MLLT1: variants seen among roughly 807,000 people sequenced by gnomAD.
MLLT1 encodes the protein protein ENL.
A neutral mutation model predicts 55.1 loss-of-function variants in MLLT1; 11 were observed. The observed-to-expected ratio is 0.20, with a 90% CI of 0.13 to 0.33. The LOEUF (loss-of-function observed/expected upper bound fraction) is 0.33, where lower values mean the gene tolerates loss of function less well. Among genes scored for constraint, MLLT1 ranks in the 10% least tolerant of loss-of-function variants. The probability of loss-of-function intolerance (pLI) is 1.00; values close to 1 mark genes in which losing one functional copy is unlikely to be tolerated. For synonymous variants in MLLT1, 323 were observed against 320.1 expected, an observed-to-expected ratio of 1.01 and a Z score of -0.10; for missense variants, 536 against 760.6, an observed-to-expected ratio of 0.70 and a Z score of 3.47.
chr19:6,266,903 T>C (rs2091353200), intron 2 of MLLT1, among the ~76,000 whole-genome samples: 1 of 152,050 alleles, frequency 6.6e-6, no homozygotes, highest in African/African-American at 2.4e-5. Context: ...GGTGGCTGGA[T>C]AAGAGTCCGT....
intron 1 of MLLT1, among the ~76,000 whole-genome samples, chr19:6,276,286 C>G (rs926061416): frequency 6.6e-6 from 1 of 152,136 alleles, no homozygotes; most frequent in Non-Finnish European, 1.5e-5. Flanking sequence ...CGGAGCTTTT[C>G]GGGCAGGTTT....
intron 3 of MLLT1, among the ~76,000 whole-genome samples, chr19:6,261,418 C>T (rs1409998318): frequency 2.6e-5 from 4 of 152,288 alleles, no homozygotes; most frequent in Non-Finnish European, 5.9e-5. Flanking sequence ...AGCCCGGCAC[C>T]GCCAGGTACA....
intron 6 of MLLT1, among the ~76,000 whole-genome samples, chr19:6,220,905 C>T (rs1391395379): frequency 1.3e-5 from 2 of 152,236 alleles, no homozygotes; most frequent in Non-Finnish European, 2.9e-5. Flanking sequence ...GGCCCCCCCA[C>T]CGCCTCAGGG....
Position 6,226,986 on chromosome 19 carries a change from G to A in MLLT1, c.537C>T (p.His179=), listed in dbSNP as rs899806809. Residue 179 remains histidine (H), a synonymous_variant, in exon 5 of 12, where the codon CAC becomes CAT. Coordinates refer to ENST00000252674, the MANE Select transcript of MLLT1 (RefSeq NM_005934.4). The surrounding 1 kb of genome is among the most constrained non-coding windows in gnomAD (Gnocchi z 6.3). ...CTTCCGCCTCACTAACCTTGGAGCC[G>A]TGGGATGGTTTGGTCTTCTTGGGGT... is the stretch of plus-strand genomic sequence containing the variant. ...FSDPKKTKPS[H]GSKDANKESS... is the part of the protein sequence containing the mutation. 1.6e-5 allele frequency: 26 copies of A among 1,599,906 alleles called. No individual in the cohort carries two copies. The highest frequency in any genetic ancestry group is 2.1e-5 in the Non-Finnish European group (25 of 1,174,338).
chr19:6,213,264 AG>A, intron 11 of MLLT1, 72 bp downstream of exon 11: 1 of 1,606,610 alleles, frequency 6.2e-7, no homozygotes. Context: ...GGGCAGCACC[AG>A]GGGCCCCCGC....
At position 6,256,730 on chromosome 19, in the gene MLLT1, G is replaced by A. The variant is rs2091260098; in HGVS notation, c.276+5498C>T. ...GATGGCGCCACTGCACTCTAGCCTG[G>A]GCGACAGAGCCAGACTCCGTCTCAA... On this transcript the variant is annotated intron_variant, in intron 3 of 11. Transcript: ENST00000252674. This position sits in a 1 kb window ranked among gnomAD's most constrained non-coding sequence, Gnocchi z 4.1. Among the ~76,000 whole-genome samples the A allele has an allele frequency of 6.6e-6, 1 of 152,118 alleles. No individual in the cohort carries two copies. The highest frequency in any genetic ancestry group is 1.5e-5 in the Non-Finnish European group (1 of 68,026).
chr19:6,212,349 C>T lies in MLLT1; in HGVS notation c.*693G>A, dbSNP rs1402932037. Reference sequence around the variant, plus strand: ...GGAGAGGGCCAGCTGCCGTGCCTGGCTCGGCCTCCAGCCCCACACCACCGC... The same window carrying T: ...GGAGAGGGCCAGCTGCCGTGCCTGGTTCGGCCTCCAGCCCCACACCACCGC... On this transcript the variant is annotated 3_prime_UTR_variant, in exon 12 of 12. Transcript: ENST00000252674. 1 of 992,936 alleles carries T rather than the reference C, an allele frequency of 1.0e-6. No homozygotes were observed. Among genetic ancestry groups the T allele is most frequent in the African/African-American group, 2.6e-5 (1 of 37,764 alleles). The allele number at this position is 992,936 out of a possible 1,614,324, so 61.5% of individuals were successfully genotyped here.
At chr19:6,266,281 A>C (rs2091348802) in intron 2 of MLLT1, among the ~76,000 whole-genome samples, 1 of 151,336 alleles carries the variant, frequency 6.6e-6, no homozygotes, top group African/African-American at 2.4e-5. Flanking sequence ...GTCTCCAAAA[A>C]AAAAAAAAAA....
At position 6,256,875 on chromosome 19, in the gene MLLT1, C is replaced by T. The variant is rs956743544; in HGVS notation, c.276+5353G>A. On this transcript the variant is annotated intron_variant, in intron 3 of 11. Coordinates refer to ENST00000252674, the MANE Select transcript of MLLT1 (RefSeq NM_005934.4). This position sits in a 1 kb window ranked among gnomAD's most constrained non-coding sequence, Gnocchi z 4.1. Reference sequence around the variant, plus strand: ...ATAGAATTCAGAGTCCAGTTTTAAACCCCAAATCTATGGCCAGCTGATTTT... The same window carrying T: ...ATAGAATTCAGAGTCCAGTTTTAAATCCCAAATCTATGGCCAGCTGATTTT... 6.6e-6 allele frequency among the ~76,000 whole-genome samples: 1 copy of T among 152,220 alleles called. No individual in the cohort carries two copies. Among genetic ancestry groups the T allele is most frequent in the African/African-American group, 2.4e-5 (1 of 41,460 alleles).
At chr19:6,258,725 T>A (rs533909999) in intron 3 of MLLT1, among the ~76,000 whole-genome samples, 1 of 152,342 alleles carries the variant, frequency 6.6e-6, no homozygotes, top group South Asian at 2.1e-4. Flanking sequence ...TATACAAGAA[T>A]AGAGCTGTCG....
rs760941330 is a variant in MLLT1 at position 6,213,002 on chromosome 19, C to G, written c.*40G>C. On this transcript the variant is annotated 3_prime_UTR_variant, in exon 12 of 12. Coordinates refer to ENST00000252674, the MANE Select transcript of MLLT1 (RefSeq NM_005934.4). ...GCAGGCGAGGCCTGGCTGCAGCCTC[C>G]CAGGACCCCGGCGGTGGGGGCCCGG... is the stretch of plus-strand genomic sequence containing the variant. 1 of 1,607,758 alleles carries G rather than the reference C, an allele frequency of 6.2e-7. No individual in the cohort carries two copies. Among genetic ancestry groups the G allele is most frequent in the Admixed American group, 1.7e-5 (1 of 59,496 alleles).
At chr19:6,279,550 CGGGCCCGGCCCGG>C (rs1313894710) in intron 1 of MLLT1, among the ~76,000 whole-genome samples, 1 of 151,726 alleles carries the variant, frequency 6.6e-6, no homozygotes, top group Admixed American at 6.6e-5. Context: ...CAAGGGGCTC[CGGGCCCGGCCCGG>C]GTCCCGAAGG....
At chr19:6,257,891 G>C (rs2091272018) in intron 3 of MLLT1, among the ~76,000 whole-genome samples, 1 of 152,164 alleles carries the variant, frequency 6.6e-6, no homozygotes, top group Non-Finnish European at 1.5e-5. Context: ...GAAAAGACGT[G>C]AAACATCACG....
intron 5 of MLLT1, among the ~76,000 whole-genome samples, chr19:6,223,687 T>C (rs2090926676): frequency 6.6e-6 from 1 of 152,154 alleles, no homozygotes; most frequent in South Asian, 2.1e-4. Flanking sequence ...GCCTGGGCGC[T>C]GCTGCTTGTA....
chr19:6,278,812 A>G (rs1211772075), intron 1 of MLLT1, among the ~76,000 whole-genome samples: 2 of 152,176 alleles, frequency 1.3e-5, no homozygotes, highest in Non-Finnish European at 2.9e-5. Context: ...GAGGGTCTGA[A>G]GGTGAAAGAG....
rs549974394 is a variant in MLLT1 at position 6,229,869 on chromosome 19, C to T, written c.420+701G>A. 1.4e-4 allele frequency among the ~76,000 whole-genome samples: 21 copies of T among 152,124 alleles called. No homozygotes were observed. The South Asian group carries it at 3.7e-3, about 27-fold the overall frequency. ...CACATGACACACCACACACCGCACA[C>T]GACACACAACACGCCACCCCAGCCC... On this transcript the variant is annotated intron_variant, in intron 4 of 11. Coordinates refer to ENST00000252674, the MANE Select transcript of MLLT1 (RefSeq NM_005934.4). This position sits in a 1 kb window ranked among gnomAD's most constrained non-coding sequence, Gnocchi z 5.2.
At position 6,227,175 on chromosome 19, in the gene MLLT1, G is replaced by A; in HGVS notation, c.421-73C>T. 6.7e-7 allele frequency: 1 copy of A among 1,487,378 alleles called. No individual in the cohort carries two copies. The highest frequency in any genetic ancestry group is 1.8e-4 in the Middle Eastern group (1 of 5,696). 92.1% of individuals were successfully genotyped at this position (1,487,378 alleles called of 1,614,324 possible). A position where few individuals can be genotyped will look rare whatever the true frequency, so the allele number is the denominator to read the frequency against. On this transcript the variant is annotated intron_variant, in intron 4 of 11. Transcript: ENST00000252674. This position sits in a 1 kb window ranked among gnomAD's most constrained non-coding sequence, Gnocchi z 5.1. ...GGCCCACACGGGCCGGGCTGAAGGT[G>A]GTGGGGCTTCCCTCTGCAGGAGGGG...
chr19:6,210,503 C>T lies in MLLT1; in HGVS notation c.*2539G>A, dbSNP rs2090756188. The T allele has an allele frequency of 4.7e-6, 1 of 213,690 alleles. No homozygotes were observed. Among genetic ancestry groups the T allele is most frequent in the Admixed American group, 5.9e-5 (1 of 17,044 alleles). The allele number at this position is 213,690 out of a possible 1,614,324, so 13.2% of individuals were successfully genotyped here. The stretch of plus-strand genomic sequence containing the variant: ...CCTGTAACTCGTTACAAACACGATT[C>T]TCCTTATTCCTTTTATCCAGGAGTT... On this transcript the variant is annotated 3_prime_UTR_variant, in exon 12 of 12. Coordinates refer to ENST00000252674, the MANE Select transcript of MLLT1 (RefSeq NM_005934.4). The surrounding 1 kb of genome is among the most constrained non-coding windows in gnomAD (Gnocchi z 4.6).
At chr19:6,251,092 T>C (rs1008821751) in intron 3 of MLLT1, among the ~76,000 whole-genome samples, 2 of 151,570 alleles carry the variant, frequency 1.3e-5, no homozygotes, top group African/African-American at 2.4e-5. Flanking sequence ...ACAGTGGCGA[T>C]GGGGGGAACG....
Sources: allele counts gnomAD v4.1 joint callset (sites outside exome capture counted in the v4.1 genomes callset), GRCh38; gene constraint gnomAD v4.1.1; non-coding constraint Gnocchi (gnomAD v3.1); transcripts MANE v1.5; gene names NCBI Gene and HGNC (gene_info 2026-07-23, HGNC 2026-07-21).